DGKH: variants seen among roughly 807,000 people sequenced by gnomAD.
DGKH encodes DAG kinase eta.
Under a neutral mutation model 159.3 loss-of-function variants are expected in DGKH, and 90 were observed. The observed-to-expected ratio is 0.57, with a 90% CI of 0.48 to 0.67. DGKH has a LOEUF of 0.67. Among genes scored for constraint, DGKH ranks in the 30% least tolerant of loss-of-function variants. The pLI, the probability that DGKH is intolerant of heterozygous loss-of-function variation, is 0.00. For missense variants in DGKH, 1,181 were observed against 1,506.1 expected, an observed-to-expected ratio of 0.78 and a Z score of 3.57; for synonymous variants, 536 against 553.8, an observed-to-expected ratio of 0.97 and a Z score of 0.45.
At chr13:42,128,614 T>C (rs1051206290) in intron 2 of DGKH, among the ~76,000 whole-genome samples, 3 of 141,122 alleles carry the variant, frequency 2.1e-5, no homozygotes, top group African/African-American at 8.1e-5. Context: ...CAAGATCCCC[T>C]CAAATAGTCC....
chr13:42,179,651 T>G (rs1925762), intron 13 of DGKH, among the ~76,000 whole-genome samples: 42,732 of 151,718 alleles, frequency 0.28, 6,178 homozygotes, highest in African/African-American at 0.35. Context: ...GTGGTGGTGC[T>G]TGCCTGTAGT....
At chr13:42,109,453 C>T (rs1030550790) in intron 1 of DGKH, among the ~76,000 whole-genome samples, 4 of 152,098 alleles carry the variant, frequency 2.6e-5, no homozygotes, top group Admixed American at 6.5e-5. Flanking sequence ...TACACCACAA[C>T]GCAAAGGTGG....
At chr13:42,160,254 G>C (rs776701523) in intron 7 of DGKH, 118 bp downstream of exon 7, 5 of 1,330,084 alleles carry the variant, frequency 3.8e-6, no homozygotes, top group Non-Finnish European at 4.2e-6. Context: ...GGTAGCATAC[G>C]CATCTCATGA....
At chr13:42,056,266 CCTG>C (rs1340864186) in intron 1 of DGKH, among the ~76,000 whole-genome samples, 1 of 151,370 alleles carries the variant, frequency 6.6e-6, no homozygotes, top group Non-Finnish European at 1.5e-5. Flanking sequence ...TTCTCTCCCT[CCTG>C]CTTTTTGTTA....
intron 14 of DGKH, among the ~76,000 whole-genome samples, 193 bp downstream of exon 14, chr13:42,187,341 C>G (rs962811238): frequency 6.6e-6 from 1 of 152,106 alleles, no homozygotes; most frequent in Non-Finnish European, 1.5e-5. Flanking sequence ...TGTAGGAAAA[C>G]TGCATTGCTG....
At position 42,234,392 on chromosome 13, in the gene DGKH, ATCT is replaced by A. The variant is rs1958371982; in HGVS notation, c.*5208_*5210del. On this transcript the variant is annotated 3_prime_UTR_variant, in exon 30 of 30. Transcript: ENST00000337343. ...CTATACAGCACTTCTAAAGTAAAAC[ATCT>A]TCTATCTCCAACTGGGCTGTCAACA... The A allele has an allele frequency of 6.6e-6, 1 of 152,202 alleles. No homozygotes were observed. The highest frequency in any genetic ancestry group is 1.5e-5 in the Non-Finnish European group (1 of 68,034). The allele number at this position is 152,202 out of a possible 1,614,324, so 9.4% of individuals were successfully genotyped here.
chr13:42,104,547 C>A (rs1954711604), intron 1 of DGKH, among the ~76,000 whole-genome samples: 1 of 152,112 alleles, frequency 6.6e-6, no homozygotes, highest in Non-Finnish European at 1.5e-5. Flanking sequence ...GAAATAGGAC[C>A]AGGTGTCTTT....
At chr13:42,049,192 T>C (rs367851103) in intron 1 of DGKH, among the ~76,000 whole-genome samples, 11 of 1,710 alleles carry the variant, frequency 6.4e-3, no homozygotes, top group Admixed American at 0.033. Flanking sequence ...CGGGGAGGGG[T>C]GGGGCGGGGC....
chr13:42,207,274 C>T (rs1957530649), intron 21 of DGKH, among the ~76,000 whole-genome samples: 2 of 150,788 alleles, frequency 1.3e-5, no homozygotes, highest in Non-Finnish European at 2.9e-5. Flanking sequence ...GCTACAACCT[C>T]TGCCTCTCAG....
chr13:42,174,044 G>A lies in DGKH; in HGVS notation c.1368-16G>A. On this transcript the variant is annotated splice_polypyrimidine_tract_variant and intron_variant, in intron 11 of 29. Coordinates refer to ENST00000337343, the MANE Select transcript of DGKH (RefSeq NM_178009.5). The stretch of plus-strand genomic sequence containing the variant: ...TTTTAAGGAAATCTTTGACCAAAGA[G>A]TTTTTCTCCCTTCAGGTGGAGTATA... 1 of 1,605,324 alleles carries A rather than the reference G, an allele frequency of 6.2e-7. No homozygotes were observed. The highest frequency in any genetic ancestry group is 8.5e-7 in the Non-Finnish European group (1 of 1,175,500).
intron 3 of DGKH, among the ~76,000 whole-genome samples, chr13:42,149,310 C>A (rs1416150638): frequency 6.6e-6 from 1 of 152,182 alleles, no homozygotes; most frequent in African/African-American, 2.4e-5. Context: ...TTCCCCTTCA[C>A]TGTGTTCTCA....
At chr13:42,209,263 C>T (rs1437798722) in intron 22 of DGKH, 68 bp from the exon 23 acceptor site, 41 of 1,554,858 alleles carry the variant, frequency 2.6e-5, no homozygotes, top group Non-Finnish European at 3.4e-5. Flanking sequence ...AATACTCAAG[C>T]CTTCATAAAG....
chr13:42,090,865 A>AG (rs1224794835), intron 1 of DGKH, among the ~76,000 whole-genome samples: 1 of 152,104 alleles, frequency 6.6e-6, no homozygotes, highest in Non-Finnish European at 1.5e-5. Context: ...TGCTTATGAT[A>AG]GGGTTTGAGG....
intron 12 of DGKH, among the ~76,000 whole-genome samples, chr13:42,174,775 A>G (rs983130381): frequency 2.0e-5 from 3 of 152,146 alleles, no homozygotes; most frequent in African/African-American, 2.4e-5. Flanking sequence ...ATGCAAACAC[A>G]GCTCACTGCA....
rs910931554 is a variant in DGKH at position 42,242,683 on chromosome 13, A to C, written c.*13495A>C. ...GGTGGCTTTGTTAATGTAGCTAGTA[A>C]TTTTTATGACTACTAAGTGACCAGT... On this transcript the variant is annotated 3_prime_UTR_variant, in exon 30 of 30. Coordinates refer to ENST00000337343, the MANE Select transcript of DGKH (RefSeq NM_178009.5). 1 of 152,148 alleles carries C rather than the reference A, an allele frequency of 6.6e-6. No homozygotes were observed. Among genetic ancestry groups the C allele is most frequent in the Non-Finnish European group, 1.5e-5 (1 of 68,014 alleles). 9.4% of individuals were successfully genotyped at this position (152,148 alleles called of 1,614,324 possible). A position where few individuals can be genotyped will look rare whatever the true frequency, so the allele number is the denominator to read the frequency against.
intron 1 of DGKH, among the ~76,000 whole-genome samples, chr13:42,075,746 G>C (rs895285174): frequency 2.6e-5 from 4 of 152,126 alleles, no homozygotes; most frequent in Non-Finnish European, 5.9e-5. Context: ...GCAAGCACTG[G>C]CTGCTACCTG....
rs1240442685 is a variant in DGKH, at chr13:42,232,253, A to G, written c.*3065A>G. On this transcript the variant is annotated 3_prime_UTR_variant, in exon 30 of 30. Transcript: ENST00000337343. ...AATGACTGTAATGGCTGGAATTGTC[A>G]CCTCTTCTCCCTGATAGGCTCTTCC... 1 of 151,952 alleles carries G rather than the reference A, an allele frequency of 6.6e-6. No homozygotes were observed. Among genetic ancestry groups the G allele is most frequent in the Non-Finnish European group, 1.5e-5 (1 of 68,074 alleles). 9.4% of individuals were successfully genotyped at this position (151,952 alleles called of 1,614,324 possible).
chr13:42,087,227 A>G (rs996653523), intron 1 of DGKH, among the ~76,000 whole-genome samples: 3 of 152,190 alleles, frequency 2.0e-5, no homozygotes, highest in Non-Finnish European at 2.9e-5. Flanking sequence ...CAGTAATGGG[A>G]CAGGTTAGCC....
chr13:42,074,961 T>A (rs1048079239), intron 1 of DGKH, among the ~76,000 whole-genome samples: 2 of 152,174 alleles, frequency 1.3e-5, no homozygotes, highest in Non-Finnish European at 2.9e-5. Flanking sequence ...AGAGTGGCAA[T>A]GTGTAGTAAT....
Sources: allele counts gnomAD v4.1 joint callset (sites outside exome capture counted in the v4.1 genomes callset), GRCh38; gene constraint gnomAD v4.1.1; transcripts MANE v1.5; gene names NCBI Gene and HGNC (gene_info 2026-07-23, HGNC 2026-07-21).